KSR2: variants seen among roughly 807,000 people sequenced by gnomAD.
KSR2 encodes kinase suppressor of ras 2.
Under a neutral mutation model 107.8 loss-of-function variants are expected in KSR2, and 25 were observed. That is an observed-to-expected ratio of 0.23 (90% CI 0.17 to 0.32). The LOEUF (loss-of-function observed/expected upper bound fraction) is 0.32, where lower values mean the gene tolerates loss of function less well. Ranked by LOEUF, KSR2 falls within the 10% of genes least tolerant of loss-of-function variation. KSR2 has a pLI of 1.00. For missense variants in KSR2, 887 were observed against 1,268.9 expected (o/e 0.70, Z 4.57); for synonymous variants, 480 against 507.0 (o/e 0.95, Z 0.71).
At chr12:117,472,200 C>T (rs999124385) in intron 17 of KSR2, among the ~76,000 whole-genome samples, 13 of 151,978 alleles carry the variant, frequency 8.6e-5, no homozygotes, top group African/African-American at 2.2e-4. Flanking sequence ...TCTGGGACTC[C>T]GAATGCCAAA....
At chr12:117,964,448 G>C (rs532931637) in intron 1 of KSR2, among the ~76,000 whole-genome samples, 50 of 152,284 alleles carry the variant, frequency 3.3e-4, no homozygotes, top group African/African-American at 1.2e-3. Flanking sequence ...ACAGTGCCTG[G>C]ATGTCAGCAT....
chr12:117,664,919 C>G (rs557346721), intron 5 of KSR2, among the ~76,000 whole-genome samples: 1 of 152,136 alleles, frequency 6.6e-6, no homozygotes, highest in African/African-American at 2.4e-5. Context: ...ACAAAGGCAA[C>G]CGGCGGCAAC....
rs1896594122 is a variant in KSR2, at chr12:117,959,137, CA to C, written c.180+8938del. ...GTACATCTATTATGTATTAATTAAA[CA>C]ATAATAATACTTTAATAATTTGAAA... On this transcript the variant is annotated intron_variant, in intron 1 of 19. Coordinates refer to ENST00000339824, the MANE Select transcript of KSR2 (RefSeq NM_173598.6). Among the ~76,000 whole-genome samples the C allele has an allele frequency of 3.3e-5, 5 of 152,166 alleles. No homozygotes were observed. In the South Asian group the frequency reaches 1.0e-3, roughly 32 times the overall value.
chr12:117,968,463 A>G lies in KSR2; in HGVS notation c.-208T>C, dbSNP rs1341083890. The G allele has an allele frequency of 3.0e-5, 40 of 1,323,276 alleles. No homozygotes were observed. Among genetic ancestry groups the G allele is most frequent in the Non-Finnish European group, 3.4e-5 (35 of 1,044,536 alleles). 82.0% of individuals were successfully genotyped at this position (1,323,276 alleles called of 1,614,324 possible). On this transcript the variant is annotated 5_prime_UTR_variant, in exon 1 of 20. Transcript: ENST00000339824. ...CCAAAATTTATTATTTTATTTTGGG[A>G]TATCAAGCGGACTCCATTAGAATGT... is the stretch of plus-strand genomic sequence containing the variant.
chr12:117,478,576 A>G (rs1871950509), intron 16 of KSR2, among the ~76,000 whole-genome samples: 1 of 152,036 alleles, frequency 6.6e-6, no homozygotes, highest in South Asian at 2.1e-4. Flanking sequence ...CTGGGATTAC[A>G]GGCGTGAGCA....
intron 14 of KSR2, among the ~76,000 whole-genome samples, chr12:117,492,736 G>A (rs1465785421): frequency 6.6e-6 from 1 of 152,142 alleles, no homozygotes; most frequent in Non-Finnish European, 1.5e-5. Context: ...TAATCGCAGG[G>A]TCTTCAAAAG....
intron 3 of KSR2, among the ~76,000 whole-genome samples, chr12:117,812,284 A>C (rs1173308839): frequency 6.6e-6 from 1 of 152,214 alleles, no homozygotes; most frequent in East Asian, 1.9e-4. Context: ...TCTCCGTAAA[A>C]ATATTTTATA....
chr12:117,832,804 A>G (rs1273828871), intron 3 of KSR2, among the ~76,000 whole-genome samples: 1 of 152,230 alleles, frequency 6.6e-6, no homozygotes, highest in African/African-American at 2.4e-5. Flanking sequence ...GCCATCCACC[A>G]GCCTTACCTA....
chr12:117,818,511 A>G (rs1891454145), intron 3 of KSR2, among the ~76,000 whole-genome samples: 1 of 152,220 alleles, frequency 6.6e-6, no homozygotes, highest in African/African-American at 2.4e-5. Context: ...GCCTATGGGT[A>G]AAAGGTTGGC....
intron 7 of KSR2, among the ~76,000 whole-genome samples, chr12:117,574,949 G>A (rs937147218): frequency 6.6e-5 from 10 of 151,156 alleles, no homozygotes; most frequent in Admixed American, 4.0e-4. Context: ...TCCAGGCTTC[G>A]GGAAGGGCTT....
intron 4 of KSR2, among the ~76,000 whole-genome samples, chr12:117,756,994 G>T (rs1189661829): frequency 3.3e-5 from 5 of 151,138 alleles, no homozygotes; most frequent in African/African-American, 9.8e-5. Context: ...GGTGGAGGTT[G>T]CAGTGAGCCG....
intron 1 of KSR2, among the ~76,000 whole-genome samples, chr12:117,926,929 A>C (rs1895536014): frequency 6.6e-6 from 1 of 152,190 alleles, no homozygotes; most frequent in Non-Finnish European, 1.5e-5. Flanking sequence ...CATTTGTCAA[A>C]TGTGATGTTC....
chr12:117,926,277 A>G (rs1285667565), intron 1 of KSR2, among the ~76,000 whole-genome samples: 1 of 152,194 alleles, frequency 6.6e-6, no homozygotes, highest in Non-Finnish European at 1.5e-5. Context: ...CTACTTAGTG[A>G]ACCATGTGAA....
chr12:117,781,625 C>T (rs138360530), intron 3 of KSR2, among the ~76,000 whole-genome samples: 1,990 of 152,258 alleles, frequency 0.013, 55 homozygotes, highest in African/African-American at 0.045. Context: ...TTCAACTGGA[C>T]GATGAATTCC....
chr12:117,818,851 C>T lies in KSR2; in HGVS notation c.472+36577G>A, dbSNP rs551579264. ...ATCTGAAAATCCTGCCCAATGGAGA[C>T]GTGGCCAAAGCAACTCATAATGTTT... On this transcript the variant is annotated intron_variant, in intron 3 of 19. Coordinates refer to ENST00000339824, the MANE Select transcript of KSR2 (RefSeq NM_173598.6). Among the ~76,000 whole-genome samples the T allele has an allele frequency of 1.3e-4, 20 of 152,106 alleles. 1 individual carries two copies. In the South Asian group the frequency reaches 2.5e-3, roughly 19 times the overall value.
At chr12:117,593,317 C>T (rs1370861118) in intron 5 of KSR2, among the ~76,000 whole-genome samples, 1 of 152,236 alleles carries the variant, frequency 6.6e-6, no homozygotes, top group African/African-American at 2.4e-5. Context: ...CCCTGTGCTC[C>T]ATCAATTTCC....
chr12:117,724,583 C>T, intron 4 of KSR2, among the ~76,000 whole-genome samples: 1 of 106,784 alleles, frequency 9.4e-6, no homozygotes, highest in East Asian at 2.3e-4. Flanking sequence ...AACCTGCCCC[C>T]CCACCCCCGG....
At chr12:117,956,137 C>G (rs985899775) in intron 1 of KSR2, among the ~76,000 whole-genome samples, 25 of 149,704 alleles carry the variant, frequency 1.7e-4, no homozygotes, top group Admixed American at 1.4e-3. Flanking sequence ...GTAGTCCCAG[C>G]TACTCGGGAG....
chr12:117,899,354 G>C (rs527383104), intron 1 of KSR2, among the ~76,000 whole-genome samples: 2 of 151,974 alleles, frequency 1.3e-5, no homozygotes, highest in Admixed American at 6.6e-5. Flanking sequence ...TTAGCCAGGC[G>C]TGGTGGCACA....
Sources: allele counts gnomAD v4.1 joint callset (sites outside exome capture counted in the v4.1 genomes callset), GRCh38; gene constraint gnomAD v4.1.1; transcripts MANE v1.5; gene names NCBI Gene and HGNC (gene_info 2026-07-23, HGNC 2026-07-21).